The following TCP11L2 variants were observed in gnomAD, a reference collection of about 807,000 sequenced individuals.
The protein encoded by TCP11L2 is t-complex 11 like 2.
TCP11L2 carries 39 observed loss-of-function variants against 50.7 expected under a neutral mutation model. The observed-to-expected ratio is 0.77, with a 90% CI of 0.60 to 1.01. The LOEUF (loss-of-function observed/expected upper bound fraction) is 1.01. Among genes scored for constraint, TCP11L2 ranks in the 50% least tolerant of loss-of-function variants. TCP11L2 has a pLI of 0.00. For synonymous variants in TCP11L2, 192 were observed against 219.3 expected (o/e 0.88, Z 1.10); for missense variants, 612 against 614.7 (o/e 1.00, Z 0.05).
rs375510187 is a variant in TCP11L2, at chr12:106,329,135, G to C, written c.772+5489G>C. Among the ~76,000 whole-genome samples the C allele has an allele frequency of 2.6e-5, 4 of 152,152 alleles. No homozygotes were observed. In the East Asian group the frequency reaches 5.8e-4, roughly 22 times the overall value. The stretch of plus-strand genomic sequence containing the variant: ...ATTTTTCCAACTGAAAATTGGGGTA[G>C]AAGCACGTGTAATACCATTGCTTGT... On this transcript the variant is annotated intron_variant, in intron 6 of 9. Coordinates refer to ENST00000299045, the MANE Select transcript of TCP11L2 (RefSeq NM_152772.3).
chr12:106,307,705 C>T (rs1339032152), intron 1 of TCP11L2, among the ~76,000 whole-genome samples: 2 of 152,106 alleles, frequency 1.3e-5, no homozygotes, highest in Non-Finnish European at 2.9e-5. Flanking sequence ...AAACAAGTGC[C>T]AAGAGTTCTG....
At chr12:106,317,731 C>G (rs1468826430) in intron 3 of TCP11L2, among the ~76,000 whole-genome samples, 2 of 152,134 alleles carry the variant, frequency 1.3e-5, no homozygotes, top group Non-Finnish European at 2.9e-5. Context: ...AAAACTATTG[C>G]TAAATGGTAG....
At chr12:106,332,126 G>A (rs1210019554) in intron 6 of TCP11L2, among the ~76,000 whole-genome samples, 4 of 152,150 alleles carry the variant, frequency 2.6e-5, no homozygotes, top group Admixed American at 1.3e-4. Context: ...AGACTTGGGA[G>A]CCATTTGCTA....
In TCP11L2 at chr12:106,329,291, T is replaced by A. The variant is rs1441973656; in HGVS notation, c.772+5645T>A. On this transcript the variant is annotated intron_variant, in intron 6 of 9. Coordinates refer to ENST00000299045, the MANE Select transcript of TCP11L2 (RefSeq NM_152772.3). ...TAGGTGCCCAGTGGTTTTCGTCAAA[T>A]AAACGAATGAGTGGAAAAATTCTTA... The A allele has an allele frequency of 2.0e-6, 3 of 1,535,820 alleles. No individual in the cohort carries two copies. The African/African-American group carries it at 4.1e-5, about 21-fold the overall frequency.
chr12:106,317,050 G>A (rs1188872954), intron 3 of TCP11L2, among the ~76,000 whole-genome samples: 3 of 152,112 alleles, frequency 2.0e-5, no homozygotes, highest in African/African-American at 7.2e-5. Context: ...AATAAGAAGG[G>A]GGCTACACTA....
At chr12:106,329,482 C>T (rs1207771287) in intron 6 of TCP11L2, 1 of 1,514,114 alleles carries the variant, frequency 6.6e-7, no homozygotes, top group African/African-American at 1.4e-5. Context: ...TTCTGCTTTA[C>T]CGGTCATTCT....
rs759653223 is a variant in TCP11L2, at chr12:106,336,206, A to G, written c.1135A>G (p.Asn379Asp). 2.5e-6 allele frequency: 4 copies of G among 1,604,742 alleles called. No homozygotes were observed. Among genetic ancestry groups the G allele is most frequent in the Non-Finnish European group, 3.4e-6 (4 of 1,177,198 alleles). ...RISAVLLEGM[N>D]KETFNLKEVL... ...TTCAGCTGTTCTACTTGAAGGCATG[A>G]ACAAAGAGTAAGTTCCAAATTTTTG... Residue 379 changes from asparagine to aspartate, a missense_variant, in exon 8 of 10, where the codon AAC (asparagine) becomes GAC (aspartate). Physicochemically the swap from Asn to Asp is conservative, Grantham distance 23. Transcript: ENST00000299045.
At chr12:106,311,376 C>G in intron 2 of TCP11L2, 144 bp downstream of exon 2, 2 of 880,590 alleles carry the variant, frequency 2.3e-6, no homozygotes, top group Admixed American at 3.1e-5. Flanking sequence ...GGCACTGCAG[C>G]TTTCCGGGAC....
chr12:106,312,402 C>G, intron 2 of TCP11L2: 1 of 1,231,142 alleles, frequency 8.1e-7, no homozygotes, highest in Non-Finnish European at 1.0e-6. Flanking sequence ...TTGAGTCAGA[C>G]CTGGCAAAAG....
chr12:106,337,066 A>G (rs1055566858), intron 8 of TCP11L2, among the ~76,000 whole-genome samples: 3 of 35,102 alleles, frequency 8.5e-5, no homozygotes, highest in Admixed American at 4.4e-4. Context: ...AGGAATTCCT[A>G]TCTAAGTCAG....
At chr12:106,312,251 G>C in intron 2 of TCP11L2, 1 of 360,316 alleles carries the variant, frequency 2.8e-6, no homozygotes, top group Non-Finnish European at 5.0e-6. Context: ...TGGACATTTA[G>C]TTTCCATTTT....
At position 106,302,734 on chromosome 12, in the gene TCP11L2, G is replaced by A. The variant is rs565679542; in HGVS notation, c.-243G>A. 8 of 152,604 alleles carry A rather than the reference G, an allele frequency of 5.2e-5. No individual in the cohort carries two copies. The highest frequency in any genetic ancestry group is 1.2e-4 in the Non-Finnish European group (8 of 68,356). 9.5% of individuals were successfully genotyped at this position (152,604 alleles called of 1,614,324 possible). ...CGCGCCGTCGTCCCCCCGCTATCCGGTTTTGTGATGGCCGCGCCGTGGCTG... is the reference window on the plus strand; with the variant it reads ...CGCGCCGTCGTCCCCCCGCTATCCGATTTTGTGATGGCCGCGCCGTGGCTG... On this transcript the variant is annotated 5_prime_UTR_variant, in exon 1 of 10. Coordinates refer to ENST00000299045, the MANE Select transcript of TCP11L2 (RefSeq NM_152772.3).
Position 106,335,697 on chromosome 12 carries a change from T to C in TCP11L2, c.831T>C (p.Ser277=). ...AATCTGTAAATGAAGAATTATTTTC[T>C]CTTTCTGAGAGTGCTTTAACTCCTG... ...IKESVNEELF[S]LSESALTPGA... Residue 277 remains serine (S), a synonymous_variant, in exon 7 of 10, where the codon TCT becomes TCC. Coordinates refer to ENST00000299045, the MANE Select transcript of TCP11L2 (RefSeq NM_152772.3). The C allele has an allele frequency of 1.9e-6, 3 of 1,614,232 alleles. No individual in the cohort carries two copies. In the East Asian group the frequency reaches 6.7e-5, roughly 36 times the overall value.
chr12:106,312,565 CT>C, intron 2 of TCP11L2: 1 of 367,028 alleles, frequency 2.7e-6, no homozygotes, highest in South Asian at 6.8e-5. Flanking sequence ...TCCTCTTTCC[CT>C]GATCCTCCTC....
At chr12:106,298,277 T>C (rs2034375403), upstream of TCP11L2, among the ~76,000 whole-genome samples, 1 of 152,118 alleles carries the variant, frequency 6.6e-6, no homozygotes, top group Non-Finnish European at 1.5e-5. Context: ...TGTGGTTAAT[T>C]TTTTTTAATA....
upstream of TCP11L2, among the ~76,000 whole-genome samples, chr12:106,302,416 T>G (rs564161291): frequency 8.6e-6 from 1 of 115,920 alleles, no homozygotes; most frequent in African/African-American, 3.4e-5. Flanking sequence ...CAGCCCCCGC[T>G]CCCCCACTCG....
At chr12:106,325,238 A>G (rs1217592418) in intron 6 of TCP11L2, 1 of 152,252 alleles carries the variant, frequency 6.6e-6, no homozygotes, top group Non-Finnish European at 1.5e-5. Context: ...GCTTGGCTCC[A>G]TAGTCCATGT....
chr12:106,299,583 C>T (rs943519101), upstream of TCP11L2, among the ~76,000 whole-genome samples: 12 of 152,130 alleles, frequency 7.9e-5, no homozygotes, highest in African/African-American at 2.9e-4. Flanking sequence ...TGTGCAACTG[C>T]CCAGACTGCA....
intron 8 of TCP11L2, 136 bp from the exon 9 acceptor site, chr12:106,340,690 G>A (rs58297001): frequency 0.3 from 173,552 of 584,626 alleles, 27,739 homozygotes; most frequent in African/African-American, 0.33. Context: ...ACTATTTTAT[G>A]AGTTCATTCT....
Sources: allele counts gnomAD v4.1 joint callset (sites outside exome capture counted in the v4.1 genomes callset), GRCh38; gene constraint gnomAD v4.1.1; transcripts MANE v1.5; gene names NCBI Gene and HGNC (gene_info 2026-07-23, HGNC 2026-07-21).